The following FKBP9 variants were observed in gnomAD, a reference collection of about 807,000 sequenced individuals.
FKBP9 encodes the protein peptidyl-prolyl cis-trans isomerase FKBP9.
A neutral mutation model predicts 55.6 loss-of-function variants in FKBP9; 27 were observed. That is an observed-to-expected ratio of 0.49 (90% CI 0.36 to 0.67). FKBP9 has a LOEUF of 0.67. Among genes scored for constraint, FKBP9 ranks in the 30% least tolerant of loss-of-function variants. The pLI, the probability that FKBP9 is intolerant of heterozygous loss-of-function variation, is 0.00. For synonymous variants in FKBP9, 267 were observed against 296.5 expected, an observed-to-expected ratio of 0.90 and a Z score of 1.02; for missense variants, 539 against 742.8, an observed-to-expected ratio of 0.73 and a Z score of 3.19.
chr7:32,957,789 C>A lies in FKBP9; in HGVS notation c.216C>A (p.Asp72Glu). ...VGTFPDGQKF[D>E]SSYDRDSTFN... Reference sequence around the variant, plus strand: ...CGTTCCCCGACGGCCAGAAGTTCGACTCCAGGTACCGCGCCCTTGGCGCCC... The same window carrying A: ...CGTTCCCCGACGGCCAGAAGTTCGAATCCAGGTACCGCGCCCTTGGCGCCC... The change falls in exon 1 of 10, where the codon GAC (aspartate) becomes GAA (glutamate). Residue 72 changes from aspartate to glutamate, a missense_variant. Physicochemically the swap from Asp to Glu is conservative, Grantham distance 45. This residue lies in a region of FKBP9 where 236 missense variants were observed against 271.5 expected (regional missense o/e 0.87). Coordinates refer to ENST00000242209, the MANE Select transcript of FKBP9 (RefSeq NM_007270.5). 2.1e-6 allele frequency: 3 copies of A among 1,446,456 alleles called. No homozygotes were observed. The highest frequency in any genetic ancestry group is 1.5e-5 in the African/African-American group (1 of 67,840). 89.6% of individuals were successfully genotyped at this position (1,446,456 alleles called of 1,614,324 possible).
At position 33,006,488 on chromosome 7, in the gene FKBP9, A is replaced by T. The variant is rs914428172; in HGVS notation, c.*1137A>T. On this transcript the variant is annotated 3_prime_UTR_variant, in exon 10 of 10. Coordinates refer to ENST00000242209, the MANE Select transcript of FKBP9 (RefSeq NM_007270.5). Reference sequence around the variant, plus strand: ...TTATCTTCCCTGAACCATATTGATGAGATAAATAGGGCTGGGGGCTGGGCC... The same window carrying T: ...TTATCTTCCCTGAACCATATTGATGTGATAAATAGGGCTGGGGGCTGGGCC... The T allele has an allele frequency of 5.0e-6, 1 of 201,898 alleles. No homozygotes were observed. The highest frequency in any genetic ancestry group is 1.0e-5 in the Non-Finnish European group (1 of 98,164). 12.5% of individuals were successfully genotyped at this position (201,898 alleles called of 1,614,324 possible). A position where few individuals can be genotyped will look rare whatever the true frequency, so the allele number is the denominator to read the frequency against.
chr7:32,982,934 T>G (rs553076198), intron 5 of FKBP9, among the ~76,000 whole-genome samples: 1 of 152,134 alleles, frequency 6.6e-6, no homozygotes, highest in South Asian at 2.1e-4. Flanking sequence ...AATATATGAT[T>G]AATTGTTTCC....
At chr7:33,000,405 T>G in intron 8 of FKBP9, 145 bp downstream of exon 8, 1 of 1,268,848 alleles carries the variant, frequency 7.9e-7, no homozygotes, top group South Asian at 1.6e-5. Context: ...TAAAAAATTA[T>G]TTAGTATTTT....
At chr7:32,992,486 G>A (rs2127986993) in intron 6 of FKBP9, among the ~76,000 whole-genome samples, 1 of 152,372 alleles carries the variant, frequency 6.6e-6, no homozygotes, top group South Asian at 2.1e-4. Flanking sequence ...CATCCTCATG[G>A]TGAGAACAGA....
intron 1 of FKBP9, among the ~76,000 whole-genome samples, chr7:32,962,565 C>T (rs1327258411): frequency 2.0e-5 from 3 of 151,790 alleles, no homozygotes; most frequent in African/African-American, 7.3e-5. Context: ...CCTCTGCTTC[C>T]TGGGTTCAAG....
chr7:32,988,903 T>C lies in FKBP9; in HGVS notation c.1039+251T>C, dbSNP rs1342009095. 1.6e-5 allele frequency: 5 copies of C among 311,302 alleles called. No homozygotes were observed. In the Admixed American group the frequency reaches 1.9e-4, roughly 12 times the overall value. The allele number at this position is 311,302 out of a possible 1,614,324, so 19.3% of individuals were successfully genotyped here. On this transcript the variant is annotated intron_variant, in intron 6 of 9. Transcript: ENST00000242209. Reference sequence around the variant, plus strand: ...ACCACCACACCCTGCACAGAACTTCTTGAGAGCCAAAATATTGAAGCTAAA... The same window carrying C: ...ACCACCACACCCTGCACAGAACTTCCTGAGAGCCAAAATATTGAAGCTAAA...
intron 1 of FKBP9, among the ~76,000 whole-genome samples, chr7:32,973,250 T>C (rs1275433426): frequency 1.3e-5 from 2 of 152,168 alleles, no homozygotes; most frequent in East Asian, 3.9e-4. Flanking sequence ...AAATTTGACA[T>C]TGAAGAAGAT....
chr7:32,992,316 TCTGCAGAGGAAACCCACCCC>T (rs1784700793), intron 6 of FKBP9, among the ~76,000 whole-genome samples: 4 of 63,912 alleles, frequency 6.3e-5, no homozygotes, highest in Non-Finnish European at 8.9e-5. Context: ...AAACTGACTC[TCTGCAGAGGAAACCCACCCC>T]CCGCAGAGGA....
chr7:32,985,199 G>A (rs865820096), intron 5 of FKBP9, among the ~76,000 whole-genome samples: 3 of 143,404 alleles, frequency 2.1e-5, no homozygotes, highest in African/African-American at 7.7e-5. Flanking sequence ...TTTTTGAGAC[G>A]GAGCCTCGCT....
chr7:33,000,425 AC>A (rs923557559), intron 8 of FKBP9, among the ~76,000 whole-genome samples, 165 bp downstream of exon 8: 1 of 151,882 alleles, frequency 6.6e-6, no homozygotes, highest in Admixed American at 6.6e-5. Flanking sequence ...TTGTTTGGAG[AC>A]CCCTGTGAAT....
intron 6 of FKBP9, chr7:32,992,862 G>A (rs566391634): frequency 5.2e-5 from 12 of 229,616 alleles, no homozygotes; most frequent in Middle Eastern, 1.3e-3. Context: ...CCTTGTTGAC[G>A]CCCTCAATAA....
intron 5 of FKBP9, among the ~76,000 whole-genome samples, chr7:32,985,425 C>G (rs1231093287): frequency 6.6e-6 from 1 of 151,566 alleles, no homozygotes; most frequent in Non-Finnish European, 1.5e-5. Flanking sequence ...AAGTGATCAC[C>G]CACCTCGGCC....
At chr7:32,967,500 G>A (rs554990454) in intron 1 of FKBP9, among the ~76,000 whole-genome samples, 1 of 152,196 alleles carries the variant, frequency 6.6e-6, no homozygotes, top group African/African-American at 2.4e-5. Flanking sequence ...TCTGTGACTG[G>A]CTTATTTCAT....
chr7:32,973,319 T>C (rs945577950), intron 1 of FKBP9, among the ~76,000 whole-genome samples: 15 of 152,182 alleles, frequency 9.9e-5, no homozygotes, highest in African/African-American at 3.6e-4. Flanking sequence ...GGCTGTTGCC[T>C]ATCAGCCTTT....
At chr7:32,983,870 A>G (rs2953572) in intron 5 of FKBP9, among the ~76,000 whole-genome samples, 2 of 152,246 alleles carry the variant, frequency 1.3e-5, no homozygotes, top group South Asian at 2.1e-4. Flanking sequence ...CTACCTGTTC[A>G]GGTCCTTTGC....
At position 33,002,677 on chromosome 7, in the gene FKBP9, TGGA is replaced by T. The variant is rs979645636; in HGVS notation, c.1376_1378del (p.Gly459del). On this transcript the variant is annotated inframe_deletion and splice_region_variant, in exon 9 of 10. Coordinates refer to ENST00000242209, the MANE Select transcript of FKBP9 (RefSeq NM_007270.5). ...CTCCCGCTCCTGTCACCTGGACAGATGGAGAAGTGCCCGGCAGTGCCGTATTAG... is the reference window on the plus strand; with the variant it reads ...CTCCCGCTCCTGTCACCTGGACAGATGAAGTGCCCGGCAGTGCCGTATTAG... The T allele has an allele frequency of 6.2e-7, 1 of 1,613,550 alleles. No individual in the cohort carries two copies. Among genetic ancestry groups the T allele is most frequent in the Non-Finnish European group, 8.5e-7 (1 of 1,179,794 alleles).
intron 5 of FKBP9, among the ~76,000 whole-genome samples, chr7:32,981,696 G>GT (rs1199555893): frequency 6.6e-6 from 1 of 151,984 alleles, no homozygotes; most frequent in Non-Finnish European, 1.5e-5. Flanking sequence ...AAGAGTAATA[G>GT]TTACATAGCT....
Position 32,988,296 on chromosome 7 carries a change from C to T in FKBP9, c.894-211C>T, listed in dbSNP as rs561688178. On this transcript the variant is annotated intron_variant, in intron 5 of 9. Coordinates refer to ENST00000242209, the MANE Select transcript of FKBP9 (RefSeq NM_007270.5). ...AAACTGGAGGGCCACATGGCGTGTC[C>T]CTACAGGTGGCTGTTCACATGCTGT... Among the ~76,000 whole-genome samples, 66 of 152,294 alleles carry T rather than the reference C, an allele frequency of 4.3e-4. 1 individual carries two copies. The South Asian group carries it at 0.011, about 25-fold the overall frequency.
chr7:32,971,517 G>A (rs1784253890), intron 1 of FKBP9, among the ~76,000 whole-genome samples: 1 of 151,336 alleles, frequency 6.6e-6, no homozygotes, highest in African/African-American at 2.4e-5. Flanking sequence ...ATCTCACTCT[G>A]TCACCCAGGA....
Sources: gnomAD v4.1 joint callset for allele counts (sites outside exome capture counted in the v4.1 genomes callset) on GRCh38, gnomAD v4.1.1 for gene constraint, gnomAD v4.1.1 regional missense constraint, MANE v1.5 for transcripts, NCBI Gene and HGNC (gene_info 2026-07-23, HGNC 2026-07-21) for gene names.